The following TTLL4 variants were observed in gnomAD, a reference collection of about 807,000 sequenced individuals.
The protein encoded by TTLL4 is tubulin monoglutamylase TTLL4.
TTLL4 carries 85 observed loss-of-function variants against 122.7 expected under a neutral mutation model. The ratio of observed to expected loss-of-function variants is 0.69; its 90% confidence interval spans 0.58 to 0.83. TTLL4 has a LOEUF of 0.83. Among genes scored for constraint, TTLL4 ranks in the 40% least tolerant of loss-of-function variants. TTLL4 has a pLI of 0.00. For missense variants in TTLL4, 1,363 were observed against 1,488.6 expected (o/e 0.92, Z 1.39); for synonymous variants, 553 against 563.0 (o/e 0.98, Z 0.25).
chr2:218,753,324 T>C (rs756342600), intron 18 of TTLL4, 139 bp downstream of exon 18: 8 of 1,049,072 alleles, frequency 7.6e-6, no homozygotes, highest in Non-Finnish European at 1.2e-5. Flanking sequence ...CACCATTCTT[T>C]CCTTTCAAGG....
intron 1 of TTLL4, among the ~76,000 whole-genome samples, chr2:218,718,116 G>A (rs906950688): frequency 1.3e-5 from 2 of 152,138 alleles, no homozygotes; most frequent in African/African-American, 4.8e-5. Flanking sequence ...AGCAGTTGAG[G>A]TAATCTCATC....
rs139343526 is a variant in TTLL4 at position 218,737,768 on chromosome 2, C to T, written c.92C>T (p.Thr31Met). ...GGTCCCTCAGGCACAGTACCTGCCA[C>T]GCCACCTGAGAAACCCTCGGAGGGC... ...QSGPSGTVPA[T>M]PPEKPSEGRV... The change falls in exon 3 of 20, where the codon ACG (threonine) becomes ATG (methionine). Residue 31 changes from threonine to methionine, a missense_variant. Transcript: ENST00000392102. The T allele has an allele frequency of 1.2e-5, 19 of 1,614,008 alleles. No individual in the cohort carries two copies. Among genetic ancestry groups the T allele is most frequent in the African/African-American group, 8.0e-5 (6 of 75,046 alleles).
chr2:218,738,289 A>T lies in TTLL4; in HGVS notation c.613A>T (p.Ile205Phe). The change falls in exon 3 of 20, where the codon ATC (isoleucine) becomes TTC (phenylalanine). Residue 205 changes from isoleucine (I) to phenylalanine (F), a missense_variant. Physicochemically the swap from Ile to Phe is conservative, Grantham distance 21. Around this residue, in one of 3 missense-constraint regions of TTLL4, gnomAD observed 760 missense variants for 808.4 expected, o/e 0.94. Coordinates refer to ENST00000392102, the MANE Select transcript of TTLL4 (RefSeq NM_014640.5). Reference sequence around the variant, plus strand: ...CCTGGCCTCTGCCATCTCAGGGAAGATCCCATCTCCACTCTCTTCCTCCTA... The same window carrying T: ...CCTGGCCTCTGCCATCTCAGGGAAGTTCCCATCTCCACTCTCTTCCTCCTA... The part of the protein sequence containing the change: ...KSLASAISGK[I>F]PSPLSSSYKP... 1.2e-6 allele frequency: 2 copies of T among 1,614,038 alleles called. No individual in the cohort carries two copies. Among genetic ancestry groups the T allele is most frequent in the Non-Finnish European group, 1.7e-6 (2 of 1,180,020 alleles).
chr2:218,746,064 G>T, intron 7 of TTLL4, 91 bp from the exon 8 acceptor site: 1 of 1,480,550 alleles, frequency 6.8e-7, no homozygotes, highest in South Asian at 1.1e-5. Context: ...AACCAAGTCT[G>T]GGAGCTCTGC....
At chr2:218,742,608 G>GGA (rs1271384760) in intron 5 of TTLL4, among the ~76,000 whole-genome samples, 1 of 152,202 alleles carries the variant, frequency 6.6e-6, no homozygotes, top group Non-Finnish European at 1.5e-5. Context: ...GGTCTCTTGA[G>GGA]GAGAAGTTCA....
chr2:218,716,554 C>G (rs148785153), intron 1 of TTLL4, among the ~76,000 whole-genome samples: 8,673 of 152,236 alleles, frequency 0.057, 703 homozygotes, highest in African/African-American at 0.19. Flanking sequence ...CTTTGGGAGG[C>G]CGAGGCGGGC....
At chr2:218,715,779 G>A (rs976143757) in intron 1 of TTLL4, among the ~76,000 whole-genome samples, 1 of 151,984 alleles carries the variant, frequency 6.6e-6, no homozygotes, top group African/African-American at 2.4e-5. Context: ...ACAGGCACCC[G>A]CCACCACGCC....
At chr2:218,724,042 G>T (rs189156539) in intron 1 of TTLL4, among the ~76,000 whole-genome samples, 1 of 152,206 alleles carries the variant, frequency 6.6e-6, no homozygotes. Context: ...ATGCAAAGGG[G>T]TATCATGTCT....
chr2:218,712,753 C>T (rs934437363), intron 1 of TTLL4, among the ~76,000 whole-genome samples: 5 of 152,114 alleles, frequency 3.3e-5, no homozygotes, highest in African/African-American at 1.2e-4. Flanking sequence ...TGGCAAATCC[C>T]TCACACTTCC....
intron 2 of TTLL4, among the ~76,000 whole-genome samples, chr2:218,733,975 A>G (rs772285904): frequency 6.6e-6 from 1 of 152,184 alleles, no homozygotes; most frequent in Non-Finnish European, 1.5e-5. Context: ...GACTTTCCAC[A>G]AAGGGCCTTG....
At chr2:218,751,652 A>C in intron 15 of TTLL4, 52 bp from the exon 16 acceptor site, 1 of 1,589,870 alleles carries the variant, frequency 6.3e-7, no homozygotes, top group South Asian at 1.1e-5. Flanking sequence ...ATTTCCTCCA[A>C]ATAAGAAGCT....
At chr2:218,751,622 C>A in intron 15 of TTLL4, 82 bp from the exon 16 acceptor site, 1 of 1,532,394 alleles carries the variant, frequency 6.5e-7, no homozygotes, top group Non-Finnish European at 8.8e-7. Context: ...AGGGTGTCTG[C>A]TGGGCTGGAC....
chr2:218,752,839 C>G lies in TTLL4; in HGVS notation c.3053C>G (p.Ser1018Cys). 6.2e-7 allele frequency: 1 copy of G among 1,614,200 alleles called. No individual in the cohort carries two copies. Among genetic ancestry groups the G allele is most frequent in the Non-Finnish European group, 8.5e-7 (1 of 1,180,042 alleles). Residue 1018 changes from serine to cysteine, a missense_variant, in exon 17 of 20, where the codon TCT becomes TGT. Physicochemically the swap from Ser to Cys is moderately radical, Grantham distance 112. Coordinates refer to ENST00000392102, the MANE Select transcript of TTLL4 (RefSeq NM_014640.5). ...RILVEMEDEF[S>C]RRGQFERIFP... ...CTGGTTGAGATGGAAGATGAGTTTT[C>G]TCGCCGTGGTCAGTTTGAACGAATT...
At chr2:218,748,300 A>C (rs1942904643) in intron 12 of TTLL4, 73 bp downstream of exon 12, 1 of 1,588,090 alleles carries the variant, frequency 6.3e-7, no homozygotes, top group South Asian at 1.1e-5. Flanking sequence ...TGGGAGGTTC[A>C]GGGGCATGGC....
At chr2:218,721,812 A>G (rs917703947) in intron 1 of TTLL4, among the ~76,000 whole-genome samples, 12 of 152,220 alleles carry the variant, frequency 7.9e-5, no homozygotes, top group Non-Finnish European at 1.8e-4. Context: ...AAAGAAATGC[A>G]TAAATAATTG....
intron 3 of TTLL4, 42 bp downstream of exon 3, chr2:218,739,205 G>A (rs746084128): frequency 1.3e-6 from 2 of 1,557,598 alleles, no homozygotes; most frequent in Admixed American, 1.9e-5. Context: ...GCAGTAGAAT[G>A]TATATACCAT....
chr2:218,748,424 G>A, intron 12 of TTLL4, 197 bp downstream of exon 12: 3 of 804,640 alleles, frequency 3.7e-6, no homozygotes, highest in East Asian at 6.2e-5. Context: ...GGAGGCCAAG[G>A]TGGGTGGATC....
chr2:218,721,320 C>T (rs772765626), intron 1 of TTLL4, among the ~76,000 whole-genome samples: 1 of 152,152 alleles, frequency 6.6e-6, no homozygotes, highest in African/African-American at 2.4e-5. Context: ...TCAAGCGATT[C>T]GCCCCACCCA....
rs1942957161 is a variant in TTLL4, at chr2:218,749,480, T to TC, written c.2735+93_2735+94insC. The TC allele has an allele frequency of 5.9e-6, 9 of 1,520,080 alleles. No homozygotes were observed. The African/African-American group carries it at 1.1e-4, about 19-fold the overall frequency. 94.2% of individuals were successfully genotyped at this position (1,520,080 alleles called of 1,614,324 possible). A position where few individuals can be genotyped will look rare whatever the true frequency, so the allele number is the denominator to read the frequency against. ...CAGTAAGTTGTTCTTTTTTTTTTTT[T>TC]TTCTTTGAGATGGAGTCTCGCTCTG... On this transcript the variant is annotated intron_variant, in intron 14 of 19. Transcript: ENST00000392102.
Sources: gnomAD v4.1 joint callset for allele counts (sites outside exome capture counted in the v4.1 genomes callset) on GRCh38, gnomAD v4.1.1 for gene constraint, gnomAD v4.1.1 regional missense constraint, MANE v1.5 for transcripts, NCBI Gene and HGNC (gene_info 2026-07-23, HGNC 2026-07-21) for gene names.